Variants in MED12L observed in about 807,000 individuals in gnomAD.
The protein encoded by MED12L is mediator complex subunit 12L.
MED12L carries 60 observed loss-of-function variants against 281.3 expected under a neutral mutation model. The ratio of observed to expected loss-of-function variants is 0.21; its 90% CI spans 0.17 to 0.26. The LOEUF (loss-of-function observed/expected upper bound fraction) is 0.26, where lower values mean the gene tolerates loss of function less well. Among genes scored for constraint, MED12L ranks in the 10% least tolerant of loss-of-function variants. The probability of loss-of-function intolerance (pLI) is 1.00; values close to 1 mark genes in which losing one functional copy is unlikely to be tolerated. For synonymous variants in MED12L, 974 were observed against 987.2 expected, an observed-to-expected ratio of 0.99 and a Z score of 0.25; for missense variants, 2,146 against 2,680.9, an observed-to-expected ratio of 0.80 and a Z score of 4.41.
intron 16 of MED12L, chr3:151,294,421 A>T: frequency 6.2e-7 from 1 of 1,614,198 alleles, no homozygotes; most frequent in Non-Finnish European, 8.5e-7. Context: ...GACTAAAAGT[A>T]AAAGGAATTC....
chr3:151,100,356 TC>T (rs1721245989), intron 2 of MED12L, among the ~76,000 whole-genome samples: 1 of 152,242 alleles, frequency 6.6e-6, no homozygotes, highest in South Asian at 2.1e-4. Context: ...TTTGCTGCTT[TC>T]CTTTTCCAGC....
Position 151,435,983 on chromosome 3 carries a change from A to C in MED12L, c.*3179A>C, listed in dbSNP as rs760470388. Reference sequence around the variant, plus strand: ...GAGCTAGATTTTAAAGTTATAAAGAAGTTTCATTGTATTTTTAAAACCTTT... The same window carrying C: ...GAGCTAGATTTTAAAGTTATAAAGACGTTTCATTGTATTTTTAAAACCTTT... On this transcript the variant is annotated 3_prime_UTR_variant, in exon 45 of 45. Coordinates refer to ENST00000687756, the MANE Select transcript of MED12L (RefSeq NM_001393769.1). 1 of 152,200 alleles carries C rather than the reference A, an allele frequency of 6.6e-6. No individual in the cohort carries two copies. The highest frequency in any genetic ancestry group is 2.1e-4 in the South Asian group (1 of 4,836). 9.4% of individuals were successfully genotyped at this position (152,200 alleles called of 1,614,324 possible).
intron 16 of MED12L, among the ~76,000 whole-genome samples, chr3:151,232,500 A>C (rs9868643): frequency 0.11 from 16,786 of 152,300 alleles, 1,246 homozygotes; most frequent in Middle Eastern, 0.17. Flanking sequence ...TGTTCATTTC[A>C]GCACTATTTC....
At position 151,165,890 on chromosome 3, in the gene MED12L, C is replaced by T. The variant is rs769648217; in HGVS notation, c.1402C>T (p.Arg468Cys). ...RVLHTLEVLDRHCFDRTDSSN... is the reference protein window; with the variant it reads ...RVLHTLEVLDCHCFDRTDSSN... ...TTTGCACACGTTGGAAGTTTTGGAT[C>T]GTCACTGTTTTGACCGAACTGATTC... The change falls in exon 11 of 45, where the codon CGT becomes TGT. Residue 468 changes from arginine (R) to cysteine (C), a missense_variant. Arg to Cys is a radical substitution (Grantham distance 180). Transcript: ENST00000687756. 28 of 1,613,980 alleles carry T rather than the reference C, an allele frequency of 1.7e-5. No homozygotes were observed. The highest frequency in any genetic ancestry group is 2.2e-5 in the East Asian group (1 of 44,874).
At chr3:151,098,982 G>A (rs1359387359) in intron 2 of MED12L, among the ~76,000 whole-genome samples, 1 of 152,038 alleles carries the variant, frequency 6.6e-6, no homozygotes, top group African/African-American at 2.4e-5. Flanking sequence ...GAGAGAATGA[G>A]AACCAAGTGA....
At chr3:151,214,017 G>C (rs1727679137) in intron 16 of MED12L, 1 of 1,613,964 alleles carries the variant, frequency 6.2e-7, no homozygotes, top group Non-Finnish European at 8.5e-7. Context: ...TGACGTAGAA[G>C]AGCACGGCAG....
At chr3:151,107,965 G>T (rs73155782) in intron 2 of MED12L, among the ~76,000 whole-genome samples, 533 of 152,326 alleles carry the variant, frequency 3.5e-3, no homozygotes, top group Non-Finnish European at 5.9e-3. Context: ...AGTCCTGGGC[G>T]ACTGTGTTTT....
intron 18 of MED12L, among the ~76,000 whole-genome samples, chr3:151,355,521 T>G (rs1753800461): frequency 6.6e-6 from 1 of 152,202 alleles, no homozygotes; most frequent in Non-Finnish European, 1.5e-5. Flanking sequence ...GGTCCTATAT[T>G]GCAATTGATG....
intron 16 of MED12L, chr3:151,338,980 G>T (rs1348616916): frequency 1.8e-5 from 14 of 795,530 alleles, no homozygotes; most frequent in Non-Finnish European, 2.8e-5. Context: ...CATCTTCATT[G>T]TAGTAGTTAG....
chr3:151,421,122 T>A (rs1213426739), intron 43 of MED12L, among the ~76,000 whole-genome samples: 1 of 151,968 alleles, frequency 6.6e-6, no homozygotes, highest in African/African-American at 2.4e-5. Flanking sequence ...GTGCGTAACC[T>A]CCATCCCTGC....
At chr3:151,182,170 GA>G (rs1722779096) in intron 11 of MED12L, among the ~76,000 whole-genome samples, 1 of 152,146 alleles carries the variant, frequency 6.6e-6, no homozygotes, top group Non-Finnish European at 1.5e-5. Context: ...CAAGCTGATT[GA>G]AAATTATTGT....
At chr3:151,092,190 T>G (rs1470729809) in intron 2 of MED12L, among the ~76,000 whole-genome samples, 1 of 152,204 alleles carries the variant, frequency 6.6e-6, no homozygotes, top group Non-Finnish European at 1.5e-5. Flanking sequence ...CCTGCAGCAG[T>G]TTTGTTTCCT....
intron 4 of MED12L, among the ~76,000 whole-genome samples, chr3:151,124,718 G>A (rs565432728): frequency 6.6e-6 from 1 of 152,176 alleles, no homozygotes; most frequent in African/African-American, 2.4e-5. Context: ...CTGGTTTTCT[G>A]CTACTGTGAA....
At chr3:151,324,304 G>A (rs578104083) in intron 16 of MED12L, among the ~76,000 whole-genome samples, 2 of 152,310 alleles carry the variant, frequency 1.3e-5, no homozygotes, top group East Asian at 1.9e-4. Context: ...AAGGTCCTGG[G>A]AGGTTCTTGT....
At chr3:151,140,498 ACT>A (rs754109411) in intron 5 of MED12L, among the ~76,000 whole-genome samples, 19 of 152,120 alleles carry the variant, frequency 1.2e-4, no homozygotes, top group Non-Finnish European at 2.8e-4. Flanking sequence ...CTGCACTGTA[ACT>A]CTATGTGCCC....
intron 16 of MED12L, among the ~76,000 whole-genome samples, chr3:151,299,367 T>TTTCTTTTC (rs1553772490): frequency 8.3e-6 from 1 of 119,794 alleles, no homozygotes; most frequent in African/African-American, 3.8e-5. Context: ...TTTCTTTTCT[T>TTTCTTTTC]TTCTTTTCTT....
At chr3:151,364,894 C>A in intron 21 of MED12L, 85 bp from the exon 22 acceptor site, 1 of 933,298 alleles carries the variant, frequency 1.1e-6, no homozygotes, top group Non-Finnish European at 1.7e-6. Context: ...ACAGTTCCTG[C>A]CATTTAATAT....
rs756289584 is a variant in MED12L, at chr3:151,163,893, A to G, written c.1108A>G (p.Thr370Ala). Residue 370 changes from threonine (T) to alanine (A), a missense_variant and splice_region_variant, in exon 9 of 45, where the codon ACT (threonine) becomes GCT (alanine). Thr to Ala is a moderately conservative substitution (Grantham distance 58, BLOSUM62 0). Coordinates refer to ENST00000687756, the MANE Select transcript of MED12L (RefSeq NM_001393769.1). ...LVYGLSCMLQTVTLCCPSALV... is the reference protein window; with the variant it reads ...LVYGLSCMLQAVTLCCPSALV... Reference sequence around the variant, plus strand: ...CCAACTTTATCTGTTTCATTTCCAGACTGTCACTCTCTGTTGCCCAAGTGC... The same window carrying G: ...CCAACTTTATCTGTTTCATTTCCAGGCTGTCACTCTCTGTTGCCCAAGTGC... The G allele has an allele frequency of 6.2e-7, 1 of 1,611,006 alleles. No homozygotes were observed. Among genetic ancestry groups the G allele is most frequent in the Admixed American group, 1.7e-5 (1 of 59,700 alleles).
chr3:151,210,056 G>C (rs998854109), intron 16 of MED12L, among the ~76,000 whole-genome samples: 1 of 152,104 alleles, frequency 6.6e-6, no homozygotes, highest in Non-Finnish European at 1.5e-5. Flanking sequence ...CAACTCATAG[G>C]GTGCTTTAGG....
Sources: gnomAD v4.1 joint callset for allele counts (sites outside exome capture counted in the v4.1 genomes callset) on GRCh38, gnomAD v4.1.1 for gene constraint, MANE v1.5 for transcripts, NCBI Gene and HGNC (gene_info 2026-07-23, HGNC 2026-07-21) for gene names.